Variants in NXPH2 observed in about 807,000 individuals in gnomAD.
The protein encoded by NXPH2 is neurexophilin 2.
A neutral mutation model predicts 19.8 loss-of-function variants in NXPH2; 5 were observed. The ratio of observed to expected loss-of-function variants is 0.25; its 90% CI spans 0.13 to 0.53. The LOEUF (loss-of-function observed/expected upper bound fraction) is 0.53. Among genes scored for constraint, NXPH2 ranks in the 20% least tolerant of loss-of-function variants. NXPH2 has a pLI of 0.96. For synonymous variants in NXPH2, 154 were observed against 127.4 expected (o/e 1.21, Z -1.41); for missense variants, 289 against 322.8 (o/e 0.90, Z 0.80).
At chr2:138,717,690 A>G (rs1432864027) in intron 1 of NXPH2, among the ~76,000 whole-genome samples, 1 of 152,132 alleles carries the variant, frequency 6.6e-6, no homozygotes, top group African/African-American at 2.4e-5. Flanking sequence ...TATGCTTCAG[A>G]AATATGAACA....
At chr2:138,682,134 G>A (rs1021311917) in intron 1 of NXPH2, among the ~76,000 whole-genome samples, 1 of 151,998 alleles carries the variant, frequency 6.6e-6, no homozygotes, top group Non-Finnish European at 1.5e-5. Context: ...TCAGCAGAAA[G>A]AACAACAGAA....
chr2:138,765,490 TA>T (rs368356201), intron 1 of NXPH2, among the ~76,000 whole-genome samples: 84 of 152,312 alleles, frequency 5.5e-4, no homozygotes, highest in African/African-American at 1.9e-3. Context: ...ATACATTTTT[TA>T]AAAACTAAGA....
chr2:138,690,169 C>T (rs1372952035), intron 1 of NXPH2, among the ~76,000 whole-genome samples: 1 of 152,196 alleles, frequency 6.6e-6, no homozygotes, highest in African/African-American at 2.4e-5. Flanking sequence ...CCGCCTTCCC[C>T]CACTGGCTCA....
intron 1 of NXPH2, among the ~76,000 whole-genome samples, chr2:138,737,367 C>T (rs116402378): frequency 0.022 from 3,293 of 152,236 alleles, 52 homozygotes; most frequent in Non-Finnish European, 0.033. Context: ...GAGAGCCAAG[C>T]GAAAGGAGTT....
chr2:138,699,672 G>T (rs2104981113), intron 1 of NXPH2, among the ~76,000 whole-genome samples: 1 of 152,244 alleles, frequency 6.6e-6, no homozygotes. Flanking sequence ...CTTCTGAGAA[G>T]GATGAATGCT....
chr2:138,770,263 T>C (rs1682156672), intron 1 of NXPH2, among the ~76,000 whole-genome samples: 1 of 152,138 alleles, frequency 6.6e-6, no homozygotes, highest in South Asian at 2.1e-4. Context: ...CACCATAATC[T>C]TTATACAAAA....
At chr2:138,675,505 T>A (rs901401269) in intron 1 of NXPH2, among the ~76,000 whole-genome samples, 5 of 152,058 alleles carry the variant, frequency 3.3e-5, no homozygotes, top group Admixed American at 1.3e-4. Flanking sequence ...CTGAGATTAC[T>A]CAATAATAAT....
At chr2:138,695,219 A>G (rs2104978471) in intron 1 of NXPH2, among the ~76,000 whole-genome samples, 1 of 152,312 alleles carries the variant, frequency 6.6e-6, no homozygotes, top group East Asian at 1.9e-4. Context: ...TTCCAAATCG[A>G]TATTAGTGGC....
chr2:138,731,226 C>T (rs1362008142), intron 1 of NXPH2, among the ~76,000 whole-genome samples: 1 of 152,108 alleles, frequency 6.6e-6, no homozygotes, highest in Non-Finnish European at 1.5e-5. Context: ...TAATAAGAGG[C>T]TGTGGAATAT....
At chr2:138,765,266 C>A (rs1254554706) in intron 1 of NXPH2, among the ~76,000 whole-genome samples, 3 of 152,198 alleles carry the variant, frequency 2.0e-5, no homozygotes, top group African/African-American at 7.2e-5. Flanking sequence ...CAGGTTCATT[C>A]TCCATATATA....
rs373169686 is a variant in NXPH2 at position 138,692,926 on chromosome 2, T to C, written c.52-21261A>G. Among the ~76,000 whole-genome samples the C allele has an allele frequency of 8.5e-5, 13 of 152,348 alleles. No homozygotes were observed. In the East Asian group the frequency reaches 2.5e-3, roughly 29 times the overall value. ...GAATCTCAAGAAAGCCTTTTGTTCA[T>C]ATAAATTAAACTTTTTCCATTTCAT... is the stretch of plus-strand genomic sequence containing the variant. On this transcript the variant is annotated intron_variant, in intron 1 of 1. Transcript: ENST00000272641.
rs560329708 is a variant in NXPH2, at chr2:138,704,223, TAAAGTATA to T, written c.52-32566_52-32559del. On this transcript the variant is annotated intron_variant, in intron 1 of 1. Coordinates refer to ENST00000272641, the MANE Select transcript of NXPH2 (RefSeq NM_007226.3). Reference sequence around the variant, plus strand: ...TGACTAAAATGTGTCCTCAGGCTATTAAAGTATAAAATACTAGTAGATATACCATCTTG... The same window carrying T: ...TGACTAAAATGTGTCCTCAGGCTATTAAATACTAGTAGATATACCATCTTG... Among the ~76,000 whole-genome samples, 196 of 152,338 alleles carry T rather than the reference TAAAGTATA, an allele frequency of 1.3e-3. 1 individual carries two copies. Among genetic ancestry groups the T allele is most frequent in the Non-Finnish European group, 2.1e-3 (142 of 68,038 alleles).
At chr2:138,753,366 T>C in intron 1 of NXPH2, among the ~76,000 whole-genome samples, 1 of 152,144 alleles carries the variant, frequency 6.6e-6, no homozygotes, top group South Asian at 2.1e-4. Context: ...GAGCATCTCC[T>C]TACTTTCTGG....
At position 138,711,421 on chromosome 2, in the gene NXPH2, G is replaced by A. The variant is rs377001445; in HGVS notation, c.52-39756C>T. On this transcript the variant is annotated intron_variant, in intron 1 of 1. Transcript: ENST00000272641. ...CTCCCAAAGTGCTGGGATTACAGGC[G>A]TGAGCCACCGCGCCCGGCCCCTGTC... Among the ~76,000 whole-genome samples the A allele has an allele frequency of 6.4e-4, 98 of 151,968 alleles. 1 individual carries two copies. In the South Asian group the frequency reaches 0.017, roughly 27 times the overall value.
At chr2:138,745,501 G>C (rs1262604209) in intron 1 of NXPH2, among the ~76,000 whole-genome samples, 4 of 148,246 alleles carry the variant, frequency 2.7e-5, no homozygotes, top group South Asian at 2.2e-4. Flanking sequence ...GGCGGGGGGG[G>C]GGGGGTGTTG....
intron 1 of NXPH2, among the ~76,000 whole-genome samples, chr2:138,762,164 GGA>G (rs1326855433): frequency 1.3e-5 from 2 of 152,130 alleles, no homozygotes; most frequent in African/African-American, 4.8e-5. Context: ...TGATATATCT[GGA>G]GATGAGAGGT....
chr2:138,768,309 G>C (rs1464478680), intron 1 of NXPH2, among the ~76,000 whole-genome samples: 1 of 152,134 alleles, frequency 6.6e-6, no homozygotes, highest in Admixed American at 6.5e-5. Context: ...ATGAACAGCT[G>C]GAATGGGTCT....
intron 1 of NXPH2, among the ~76,000 whole-genome samples, chr2:138,753,113 C>T (rs1234443402): frequency 1.3e-5 from 2 of 152,130 alleles, no homozygotes; most frequent in Admixed American, 6.6e-5. Context: ...GGTGAAGTAT[C>T]TATATAAACC....
At chr2:138,707,801 T>C (rs1681040707) in intron 1 of NXPH2, among the ~76,000 whole-genome samples, 1 of 152,210 alleles carries the variant, frequency 6.6e-6, no homozygotes, top group Admixed American at 6.5e-5. Flanking sequence ...AACTTTCTTC[T>C]CTGTGGATTT....
Sources: gnomAD v4.1 joint callset for allele counts (sites outside exome capture counted in the v4.1 genomes callset) on GRCh38, gnomAD v4.1.1 for gene constraint, MANE v1.5 for transcripts, NCBI Gene and HGNC (gene_info 2026-07-23, HGNC 2026-07-21) for gene names.